Variants in ADAM32 observed in about 807,000 individuals in gnomAD.
ADAM32 encodes disintegrin and metalloproteinase domain-containing protein 32.
ADAM32 carries 89 observed loss-of-function variants against 114.9 expected under a neutral mutation model. That is an observed-to-expected ratio of 0.77 (90% confidence interval 0.65 to 0.92). The LOEUF is 0.92. ADAM32 is among the 40% of genes least tolerant of loss of function. ADAM32 has a pLI of 0.00. For missense variants in ADAM32, 870 were observed against 932.8 expected (o/e 0.93, Z 0.88); for synonymous variants, 285 against 307.5 (o/e 0.93, Z 0.77).
At chr8:39,170,087 G>T in intron 10 of ADAM32, 90 bp downstream of exon 10, 1 of 995,614 alleles carries the variant, frequency 1.0e-6, no homozygotes, top group Non-Finnish European at 1.4e-6. Context: ...TTATGTGCAT[G>T]TTTCCATTTA....
intron 2 of ADAM32, among the ~76,000 whole-genome samples, chr8:39,128,894 G>C (rs1802269511): frequency 1.3e-5 from 2 of 152,104 alleles, no homozygotes; most frequent in African/African-American, 4.8e-5. Flanking sequence ...GGGATACTTG[G>C]TTCTTCATCT....
intron 20 of ADAM32, among the ~76,000 whole-genome samples, chr8:39,272,186 T>A (rs1812779312): frequency 6.6e-6 from 1 of 151,694 alleles, no homozygotes; most frequent in African/African-American, 2.4e-5. Context: ...AAATGCAATT[T>A]ATTGATGATT....
intron 2 of ADAM32, among the ~76,000 whole-genome samples, chr8:39,133,330 ATTG>A (rs1301129596): frequency 6.6e-6 from 1 of 152,188 alleles, no homozygotes; most frequent in East Asian, 1.9e-4. Context: ...AGAAGCAGAT[ATTG>A]TTGTCATGTG....
intron 16 of ADAM32, among the ~76,000 whole-genome samples, chr8:39,240,951 T>C (rs1349058412): frequency 2.0e-5 from 3 of 152,152 alleles, no homozygotes; most frequent in African/African-American, 7.2e-5. Context: ...CAAAATCTTA[T>C]CCAAGACAAG....
rs1588449600 is a variant in ADAM32, at chr8:39,107,991, A to C, written c.58+158A>C. The C allele has an allele frequency of 6.9e-6, 7 of 1,012,892 alleles. No homozygotes were observed. In the East Asian group the frequency reaches 1.8e-4, roughly 25 times the overall value. The allele number at this position is 1,012,892 out of a possible 1,614,324, so 62.7% of individuals were successfully genotyped here. ...GATTAGGCGCCCCGTCCGGATGGAGAAGCGACTCAGGGCCCAGCACCAGGG... is the reference window on the plus strand; with the variant it reads ...GATTAGGCGCCCCGTCCGGATGGAGCAGCGACTCAGGGCCCAGCACCAGGG... On this transcript the variant is annotated intron_variant, in intron 1 of 24. Coordinates refer to ENST00000379907, the MANE Select transcript of ADAM32 (RefSeq NM_145004.7).
upstream of ADAM32, chr8:39,107,601 T>G: frequency 6.9e-7 from 1 of 1,441,888 alleles, no homozygotes; most frequent in Non-Finnish European, 9.1e-7. Context: ...GGGCGCACGC[T>G]GCGGGCCCTT....
chr8:39,280,986 A>G (rs998618000), intron 22 of ADAM32, 150 bp from the exon 23 acceptor site: 12 of 203,850 alleles, frequency 5.9e-5, no homozygotes, highest in African/African-American at 2.6e-4. Context: ...GTTTCATCGT[A>G]TTAGCCAGGA....
At chr8:39,214,801 G>C (rs1808454907) in intron 12 of ADAM32, among the ~76,000 whole-genome samples, 1 of 151,998 alleles carries the variant, frequency 6.6e-6, no homozygotes, top group African/African-American at 2.4e-5. Flanking sequence ...ATGTTTTCTT[G>C]TAGTAGTTTC....
chr8:39,248,191 G>T (rs910538276), intron 17 of ADAM32, among the ~76,000 whole-genome samples: 2 of 152,096 alleles, frequency 1.3e-5, no homozygotes, highest in African/African-American at 4.8e-5. Flanking sequence ...TGCCTCCATA[G>T]AAACTTTAGA....
At chr8:39,228,251 G>C (rs190150782) in intron 14 of ADAM32, among the ~76,000 whole-genome samples, 227 of 152,190 alleles carry the variant, frequency 1.5e-3, no homozygotes, top group African/African-American at 5.1e-3. Context: ...ACCAATCCTG[G>C]TAATATGACA....
chr8:39,221,789 C>A, intron 13 of ADAM32, 87 bp downstream of exon 13: 1 of 723,864 alleles, frequency 1.4e-6, no homozygotes, highest in Non-Finnish European at 2.1e-6. Flanking sequence ...GCTGTAATTA[C>A]ATCAATTAAA....
rs781076419 is a variant in ADAM32 at position 39,165,061 on chromosome 8, T to C, written c.698T>C (p.Leu233Pro). Reference sequence around the variant, plus strand: ...ACCCAATTTAAAGTTACTATTGTGCTGTCATCATTGGAGTTATGGTCAGAT... The same window carrying C: ...ACCCAATTTAAAGTTACTATTGTGCCGTCATCATTGGAGTTATGGTCAGAT... ...MFTQFKVTIV[L>P]SSLELWSDEN... Residue 233 changes from leucine (L) to proline (P), a missense_variant, in exon 9 of 25, where the codon CTG becomes CCG. Physicochemically the swap from Leu to Pro is moderately conservative, Grantham distance 98. Coordinates refer to ENST00000379907, the MANE Select transcript of ADAM32 (RefSeq NM_145004.7). The C allele has an allele frequency of 6.2e-7, 1 of 1,607,954 alleles. No homozygotes were observed. Among genetic ancestry groups the C allele is most frequent in the Admixed American group, 1.7e-5 (1 of 58,724 alleles).
chr8:39,143,128 G>C (rs1366318897), intron 3 of ADAM32, among the ~76,000 whole-genome samples: 1 of 151,964 alleles, frequency 6.6e-6, no homozygotes, highest in Non-Finnish European at 1.5e-5. Context: ...CAAGGTTTTT[G>C]GCTTCCTTGT....
intron 12 of ADAM32, among the ~76,000 whole-genome samples, chr8:39,220,554 T>G (rs917767216): frequency 3.3e-5 from 5 of 152,048 alleles, no homozygotes; most frequent in African/African-American, 9.6e-5. Flanking sequence ...GCATTTATTC[T>G]TATAAACTAC....
At position 39,284,822 on chromosome 8, in the gene ADAM32, A is replaced by G; in HGVS notation, c.*23A>G. 6.2e-7 allele frequency: 1 copy of G among 1,613,262 alleles called. No homozygotes were observed. Among genetic ancestry groups the G allele is most frequent in the South Asian group, 1.1e-5 (1 of 91,022 alleles). On this transcript the variant is annotated 3_prime_UTR_variant, in exon 25 of 25. Coordinates refer to ENST00000379907, the MANE Select transcript of ADAM32 (RefSeq NM_145004.7). ...TAGTGATTCCTTCAGAAGGCAACGG[A>G]TAACATCGAGAGTCTCGCTAAGAAA...
At chr8:39,187,375 C>T (rs1031449743) in intron 11 of ADAM32, among the ~76,000 whole-genome samples, 3 of 152,152 alleles carry the variant, frequency 2.0e-5, no homozygotes, top group Non-Finnish European at 4.4e-5. Flanking sequence ...GGGTTCACAC[C>T]ATTCTCCTGC....
At position 39,164,762 on chromosome 8, in the gene ADAM32, A is replaced by C. The variant is rs753956949; in HGVS notation, c.595-2A>C. 6.3e-7 allele frequency: 1 copy of C among 1,575,374 alleles called. No homozygotes were observed. The highest frequency in any genetic ancestry group is 1.9e-5 in the Admixed American group (1 of 53,676). On this transcript the variant is annotated splice_acceptor_variant, in intron 7 of 24. Coordinates refer to ENST00000379907, the MANE Select transcript of ADAM32 (RefSeq NM_145004.7). LOFTEE classifies it high-confidence loss of function. ...AAATATAAAATTAATTCTGTTTTTCAGTATGATTACTGGGGCTCTGATAGC... is the reference window on the plus strand; with the variant it reads ...AAATATAAAATTAATTCTGTTTTTCCGTATGATTACTGGGGCTCTGATAGC...
chr8:39,228,986 A>C (rs1809564417), intron 14 of ADAM32, among the ~76,000 whole-genome samples: 1 of 152,234 alleles, frequency 6.6e-6, no homozygotes, highest in African/African-American at 2.4e-5. Context: ...CAGATTTCTC[A>C]GCAGAAACCC....
chr8:39,149,787 C>CT lies in ADAM32; in HGVS notation c.277-3dup. The CT allele has an allele frequency of 3.7e-6, 6 of 1,603,356 alleles. No individual in the cohort carries two copies. Among genetic ancestry groups the CT allele is most frequent in the Non-Finnish European group, 5.1e-6 (6 of 1,173,802 alleles). ...GTGACTACTTTACTTTTTTTCTTTCCTAGACTCAATGCTACTATCAAGGAA... is the reference window on the plus strand; with the variant it reads ...GTGACTACTTTACTTTTTTTCTTTCCTTAGACTCAATGCTACTATCAAGGAA... On this transcript the variant is annotated splice_polypyrimidine_tract_variant and splice_region_variant and intron_variant, in intron 4 of 24. Transcript: ENST00000379907.
Sources: allele counts gnomAD v4.1 joint callset (sites outside exome capture counted in the v4.1 genomes callset), GRCh38; gene constraint gnomAD v4.1.1; transcripts MANE v1.5; gene names NCBI Gene and HGNC (gene_info 2026-07-23, HGNC 2026-07-21).